Variants in RBFOX1 observed in about 807,000 individuals in gnomAD.
RBFOX1 encodes RNA binding protein fox-1 homolog 1.
In RBFOX1, 8 loss-of-function variants were observed where a neutral mutation model predicts 57.7. The observed-to-expected ratio is 0.14, with a 90% CI of 0.08 to 0.25. The LOEUF (loss-of-function observed/expected upper bound fraction) is 0.25, where lower values mean the gene tolerates loss of function less well. RBFOX1 is among the 10% of genes least tolerant of loss of function. The pLI, the probability that RBFOX1 is intolerant of heterozygous loss-of-function variation, is 1.00. For synonymous variants in RBFOX1, 326 were observed against 222.4 expected (o/e 1.47, Z -4.15); for missense variants, 611 against 548.5 (o/e 1.11, Z -1.14).
intron 1 of RBFOX1, among the ~76,000 whole-genome samples, chr16:6,142,426 T>G (rs1390423154): frequency 6.6e-6 from 1 of 151,914 alleles, no homozygotes; most frequent in Non-Finnish European, 1.5e-5. Context: ...TTTCACCATG[T>G]TAGCCAGGAT....
intron 2 of RBFOX1, among the ~76,000 whole-genome samples, chr16:5,512,546 A>G (rs1270951191): frequency 6.6e-6 from 1 of 152,144 alleles, no homozygotes; most frequent in Non-Finnish European, 1.5e-5. Flanking sequence ...CAGCTTTGTC[A>G]TTTATGAGCT....
intron 4 of RBFOX1, among the ~76,000 whole-genome samples, chr16:7,368,236 C>A (rs1464424996): frequency 1.3e-5 from 2 of 148,652 alleles, no homozygotes; most frequent in Non-Finnish European, 3.0e-5. Context: ...CACTGCACTC[C>A]ATCCTGGGCC....
At chr16:5,770,936 A>G (rs1030433003) in intron 3 of RBFOX1, among the ~76,000 whole-genome samples, 2 of 152,044 alleles carry the variant, frequency 1.3e-5, no homozygotes, top group African/African-American at 4.8e-5. Context: ...CAGTTATTCC[A>G]TCCTGGCAGG....
chr16:6,013,673 T>G lies in RBFOX1; in HGVS notation c.351+146338T>G, dbSNP rs1010422033. Reference sequence around the variant, plus strand: ...TGAATTTCCTCCTTTCAAGCTTTGGTTTGCTCATCTATTTAAAAAGGAAAT... The same window carrying G: ...TGAATTTCCTCCTTTCAAGCTTTGGGTTGCTCATCTATTTAAAAAGGAAAT... On this transcript the variant is annotated intron_variant, in intron 4 of 19. Coordinates refer to the RBFOX1 transcript ENST00000641259. Among the ~76,000 whole-genome samples the G allele has an allele frequency of 2.0e-5, 3 of 152,164 alleles. No individual in the cohort carries two copies. The East Asian group carries it at 5.8e-4, about 29-fold the overall frequency.
intron 4 of RBFOX1, among the ~76,000 whole-genome samples, chr16:7,073,199 C>A (rs1014933847): frequency 2.0e-5 from 3 of 152,168 alleles, no homozygotes; most frequent in Admixed American, 6.5e-5. Context: ...AGTCTGTGAT[C>A]AACTAAAATG....
intron 1 of RBFOX1, among the ~76,000 whole-genome samples, chr16:5,361,744 G>A (rs75472223): frequency 0.013 from 1,993 of 152,314 alleles, 48 homozygotes; most frequent in African/African-American, 0.046. Flanking sequence ...TTTGTGCCAA[G>A]TTGTATTCTT....
intron 1 of RBFOX1, among the ~76,000 whole-genome samples, chr16:5,379,379 G>T (rs1392089173): frequency 2.0e-5 from 3 of 151,406 alleles, no homozygotes; most frequent in African/African-American, 7.4e-5. Context: ...GTTCTGTGTT[G>T]TTTATCTTGT....
At chr16:6,176,513 G>C (rs138453342) in intron 1 of RBFOX1, among the ~76,000 whole-genome samples, 2 of 151,942 alleles carry the variant, frequency 1.3e-5, no homozygotes, top group Non-Finnish European at 2.9e-5. Context: ...CTCATTGTAA[G>C]AGGAGGCAAT....
chr16:6,092,685 GA>G (rs1327925835), intron 1 of RBFOX1: 1 of 152,140 alleles, frequency 6.6e-6, no homozygotes, highest in Non-Finnish European at 1.5e-5. Flanking sequence ...CTTTGTCGAA[GA>G]TCAGATGGTT....
At chr16:5,500,216 C>T (rs1567166488) in intron 2 of RBFOX1, among the ~76,000 whole-genome samples, 4 of 145,396 alleles carry the variant, frequency 2.8e-5, no homozygotes, top group African/African-American at 1.0e-4. Context: ...CATTGCATTC[C>T]GTTCCGTTCC....
At chr16:7,675,409 A>C (rs78292925) in intron 13 of RBFOX1, among the ~76,000 whole-genome samples, 1 of 103,156 alleles carries the variant, frequency 9.7e-6, no homozygotes, top group Non-Finnish European at 1.9e-5. Context: ...TAAGGGAAAC[A>C]AAAAAAAAAA....
chr16:7,380,919 T>C (rs987733150), intron 4 of RBFOX1, among the ~76,000 whole-genome samples: 9 of 152,174 alleles, frequency 5.9e-5, no homozygotes, highest in African/African-American at 2.2e-4. Context: ...CCGTAAAGTG[T>C]AAAGGGGAAA....
At chr16:5,823,939 A>G (rs896606010) in intron 3 of RBFOX1, among the ~76,000 whole-genome samples, 1 of 152,214 alleles carries the variant, frequency 6.6e-6, no homozygotes, top group Non-Finnish European at 1.5e-5. Flanking sequence ...TCCCTGGTCC[A>G]TGGAAAAATT....
intron 3 of RBFOX1, among the ~76,000 whole-genome samples, chr16:5,831,513 A>G (rs1006523766): frequency 2.2e-5 from 2 of 90,572 alleles, no homozygotes; most frequent in African/African-American, 9.3e-5. Context: ...ATTATTTGAG[A>G]TGGAGTTTCG....
At chr16:5,353,413 C>T (rs1190359278) in intron 1 of RBFOX1, among the ~76,000 whole-genome samples, 1 of 152,032 alleles carries the variant, frequency 6.6e-6, no homozygotes, top group Non-Finnish European at 1.5e-5. Flanking sequence ...GAGGAGTTCC[C>T]CAGCCCTCCC....
intron 3 of RBFOX1, among the ~76,000 whole-genome samples, chr16:6,915,328 TC>T: frequency 6.6e-6 from 1 of 152,258 alleles, no homozygotes; most frequent in African/African-American, 2.4e-5. Context: ...TAACTGCGGT[TC>T]CTTTCTGCAG....
chr16:6,872,533 G>T (rs150314236), intron 3 of RBFOX1, among the ~76,000 whole-genome samples: 1 of 152,164 alleles, frequency 6.6e-6, no homozygotes, highest in East Asian at 1.9e-4. Flanking sequence ...TTGAAAGTCT[G>T]GTTCCTGTTT....
intron 3 of RBFOX1, among the ~76,000 whole-genome samples, chr16:5,611,954 C>T (rs2047831755): frequency 6.6e-6 from 1 of 151,798 alleles, no homozygotes; most frequent in South Asian, 2.1e-4. Context: ...AGTGAGACCC[C>T]ATCTGTACAA....
At chr16:6,883,375 C>T (rs75474815) in intron 3 of RBFOX1, among the ~76,000 whole-genome samples, 7,117 of 152,242 alleles carry the variant, frequency 0.047, 530 homozygotes, top group African/African-American at 0.16. Flanking sequence ...AAGTAAATCA[C>T]AGCCTTTAAA....
Sources: gnomAD v4.1 joint callset for allele counts (sites outside exome capture counted in the v4.1 genomes callset) on GRCh38, gnomAD v4.1.1 for gene constraint, MANE v1.5 for transcripts, NCBI Gene and HGNC (gene_info 2026-07-23, HGNC 2026-07-21) for gene names.